Variants in KIF6 observed in about 807,000 individuals in gnomAD.
The protein encoded by KIF6 is kinesin-like protein KIF6.
KIF6 carries 106 observed loss-of-function variants against 112.7 expected under a neutral mutation model. The ratio of observed to expected loss-of-function variants is 0.94; its 90% CI spans 0.80 to 1.11. The LOEUF (loss-of-function observed/expected upper bound fraction) is 1.11, where lower values mean the gene tolerates loss of function less well. Ranked by LOEUF, KIF6 falls within the 50% of genes least tolerant of loss-of-function variation. The pLI, the probability that KIF6 is intolerant of heterozygous loss-of-function variation, is 0.00. For synonymous variants in KIF6, 339 were observed against 339.9 expected, an observed-to-expected ratio of 1.00 and a Z score of 0.03; for missense variants, 929 against 964.0, an observed-to-expected ratio of 0.96 and a Z score of 0.48.
chr6:39,667,740 T>C (rs1310419560), intron 3 of KIF6, among the ~76,000 whole-genome samples: 3 of 152,206 alleles, frequency 2.0e-5, no homozygotes, highest in African/African-American at 7.2e-5. Flanking sequence ...TTTTAGATGT[T>C]AGCGATTTTA....
chr6:39,676,637 G>T (rs772428245), intron 3 of KIF6, among the ~76,000 whole-genome samples: 1 of 152,124 alleles, frequency 6.6e-6, no homozygotes, highest in Non-Finnish European at 1.5e-5. Context: ...GAGAAAATGG[G>T]AGGTATGTGA....
At chr6:39,579,369 T>C (rs1781161324) in intron 9 of KIF6, among the ~76,000 whole-genome samples, 1 of 152,144 alleles carries the variant, frequency 6.6e-6, no homozygotes, top group South Asian at 2.1e-4. Flanking sequence ...GCAGTTTGGG[T>C]TCTTCCTTGC....
chr6:39,687,936 G>C (rs1264450916), intron 3 of KIF6, among the ~76,000 whole-genome samples: 1 of 152,188 alleles, frequency 6.6e-6, no homozygotes, highest in South Asian at 2.1e-4. Context: ...CATTCATAGA[G>C]GGTCTTGTGA....
chr6:39,532,307 T>C (rs753518719), intron 13 of KIF6, among the ~76,000 whole-genome samples: 9 of 152,182 alleles, frequency 5.9e-5, no homozygotes, highest in Non-Finnish European at 1.0e-4. Flanking sequence ...TAGTACCTGA[T>C]GTATATAAGG....
intron 5 of KIF6, among the ~76,000 whole-genome samples, chr6:39,633,876 C>T (rs1042998369): frequency 2.0e-5 from 3 of 152,136 alleles, no homozygotes; most frequent in African/African-American, 7.2e-5. Context: ...CAAAAGTGGT[C>T]TAAAACTGTT....
chr6:39,346,086 C>CTCTCTCTCTCTCTCTCTCCCT (rs1326236666), intron 20 of KIF6, among the ~76,000 whole-genome samples: 1 of 26,994 alleles, frequency 3.7e-5, no homozygotes, highest in Non-Finnish European at 6.4e-5. Flanking sequence ...CTCTCTCTCT[C>CTCTCTCTCTCTCTCTCTCCCT]CCCCCCCTCT....
chr6:39,513,102 C>G (rs2150512765), intron 13 of KIF6, among the ~76,000 whole-genome samples: 1 of 152,268 alleles, frequency 6.6e-6, no homozygotes, highest in South Asian at 2.1e-4. Context: ...TGACTACAAA[C>G]TTCATGTTTG....
chr6:39,595,124 C>T (rs181723838), intron 7 of KIF6, among the ~76,000 whole-genome samples: 9 of 152,232 alleles, frequency 5.9e-5, no homozygotes, highest in African/African-American at 2.2e-4. Context: ...GCTAACAGAA[C>T]CATCATGGGG....
intron 18 of KIF6, among the ~76,000 whole-genome samples, chr6:39,359,662 T>C (rs1764978634): frequency 6.6e-6 from 1 of 152,202 alleles, no homozygotes; most frequent in African/African-American, 2.4e-5. Flanking sequence ...CACTGCTCAC[T>C]GCAGCCTCGA....
intron 15 of KIF6, among the ~76,000 whole-genome samples, chr6:39,399,946 GGCA>G (rs1411087746): frequency 6.6e-6 from 1 of 152,248 alleles, no homozygotes; most frequent in East Asian, 1.9e-4. Context: ...GTGCCCAGCA[GGCA>G]GCAGCCCCTA....
intron 13 of KIF6, among the ~76,000 whole-genome samples, chr6:39,439,247 C>T (rs1319546904): frequency 6.6e-6 from 1 of 152,216 alleles, no homozygotes; most frequent in Non-Finnish European, 1.5e-5. Context: ...ATTTTATCTT[C>T]TTCCCAACTT....
chr6:39,540,689 C>A (rs565611719), intron 12 of KIF6, among the ~76,000 whole-genome samples: 2 of 152,232 alleles, frequency 1.3e-5, no homozygotes, highest in Non-Finnish European at 2.9e-5. Context: ...GCAGATCAGC[C>A]GTCTTCATCC....
At chr6:39,621,196 GACACACACACACACACACACAC>G (rs55752326) in intron 5 of KIF6, among the ~76,000 whole-genome samples, 1 of 135,920 alleles carries the variant, frequency 7.4e-6, no homozygotes, top group Non-Finnish European at 1.6e-5. Flanking sequence ...CCGTAAGATA[GACACACACACACACACACACAC>G]ACACACACAC....
chr6:39,477,763 A>C (rs1195342209), intron 13 of KIF6, among the ~76,000 whole-genome samples: 1 of 152,204 alleles, frequency 6.6e-6, no homozygotes, highest in Admixed American at 6.5e-5. Flanking sequence ...CGGGAGGCTG[A>C]GGCAGGAGAA....
At chr6:39,654,178 G>T (rs1382847463) in intron 3 of KIF6, among the ~76,000 whole-genome samples, 1 of 152,096 alleles carries the variant, frequency 6.6e-6, no homozygotes, top group Non-Finnish European at 1.5e-5. Context: ...CATATTTACT[G>T]GTATCTACAG....
chr6:39,571,970 A>G (rs905520175), intron 10 of KIF6, among the ~76,000 whole-genome samples: 1 of 144,694 alleles, frequency 6.9e-6, no homozygotes, highest in Non-Finnish European at 1.5e-5. Flanking sequence ...AGCTTACTCC[A>G]TGGGTGAAAT....
rs779850629 is a variant in KIF6 at position 39,720,721 on chromosome 6, G to T, written c.157C>A (p.Arg53=). 16 of 1,591,542 alleles carry T rather than the reference G, an allele frequency of 1.0e-5. No individual in the cohort carries two copies. Among genetic ancestry groups the T allele is most frequent in the Non-Finnish European group, 1.4e-5 (16 of 1,160,170 alleles). ...ACTTACTTAAATTTGTAGCTTTCTCGCTTATTATTCACAAACCCATCTGCC... is the reference window on the plus strand; with the variant it reads ...ACTTACTTAAATTTGTAGCTTTCTCTCTTATTATTCACAAACCCATCTGCC... The part of the protein sequence containing the change: ...DLADGFVNNK[R]ESYKFKFQRI... The change falls in exon 2 of 23, where the codon CGA becomes AGA. Residue 53 remains arginine, a synonymous_variant. Transcript: ENST00000287152.
chr6:39,365,473 T>C (rs1308359110), intron 16 of KIF6, among the ~76,000 whole-genome samples: 3 of 152,184 alleles, frequency 2.0e-5, no homozygotes, highest in African/African-American at 4.8e-5. Flanking sequence ...CCCCCAGTGC[T>C]GTGTTCAGAC....
chr6:39,637,891 T>C (rs540626172), intron 4 of KIF6, among the ~76,000 whole-genome samples: 31 of 152,020 alleles, frequency 2.0e-4, no homozygotes, highest in Non-Finnish European at 4.3e-4. Flanking sequence ...CAGAATGAAA[T>C]GGAGTTTACG....
Sources: allele counts gnomAD v4.1 joint callset (sites outside exome capture counted in the v4.1 genomes callset), GRCh38; gene constraint gnomAD v4.1.1; transcripts MANE v1.5; gene names NCBI Gene and HGNC (gene_info 2026-07-23, HGNC 2026-07-21).